Variants in NBPF15 observed in about 807,000 individuals in gnomAD.
The protein encoded by NBPF15 is NBPF family member NBPF15.
Under a neutral mutation model 62.2 loss-of-function variants are expected in NBPF15, and 74 were observed. The observed-to-expected ratio is 1.19, with a 90% CI of 0.99 to 1.44. The LOEUF is 1.44. NBPF15 is among the 40% of genes most tolerant of loss of function. The pLI, the probability that NBPF15 is intolerant of heterozygous loss-of-function variation, is 0.00. For synonymous variants in NBPF15, 244 were observed against 209.7 expected (o/e 1.16, Z -1.41); for missense variants, 790 against 550.0 (o/e 1.44, Z -4.36).
rs1473612018 is a variant in NBPF15 at position 144,440,024 on chromosome 1, A to T, written c.-21T>A. 25 of 1,604,382 alleles carry T rather than the reference A, an allele frequency of 1.6e-5. No individual in the cohort carries two copies. In the African/African-American group the frequency reaches 3.1e-4, roughly 20 times the overall value. ...ACCATGCTGACGTTTGTGGCAGAAG[A>T]GGTGGAGTCAGGGACTGGGGAGAAG... On this transcript the variant is annotated 5_prime_UTR_variant, in exon 8 of 22. Transcript: ENST00000581897.
At chr1:144,431,044 T>C (rs1673848998) in intron 13 of NBPF15, among the ~76,000 whole-genome samples, 1 of 151,478 alleles carries the variant, frequency 6.6e-6, no homozygotes, top group African/African-American at 2.4e-5. Context: ...TAAAAAGAAA[T>C]GAACAAGCCT....
chr1:144,438,955 TCTG>T (rs1339733410), intron 8 of NBPF15, among the ~76,000 whole-genome samples: 1 of 151,830 alleles, frequency 6.6e-6, no homozygotes, highest in Non-Finnish European at 1.5e-5. Context: ...CAAGCTACTC[TCTG>T]CTTTTTATTC....
rs1359680929 is a variant in NBPF15 at position 144,423,873 on chromosome 1, G to C, written c.1766C>G (p.Pro589Arg). 3.9e-6 allele frequency: 3 copies of C among 769,934 alleles called. No individual in the cohort carries two copies. Among genetic ancestry groups the C allele is most frequent in the African/African-American group, 3.4e-5 (2 of 59,090 alleles). 47.7% of individuals were successfully genotyped at this position (769,934 alleles called of 1,614,324 possible). A position where few individuals can be genotyped will look rare whatever the true frequency, so the allele number is the denominator to read the frequency against. ...KEGEDDNPPC[P>R]RLYGVLMEVE... is the part of the protein sequence containing the mutation. Reference sequence around the variant, plus strand: ...ATCCACAATTGCTGAAAGTTACCTGGGGCATGGTGGGTTGTCATCTTCCCC... The same window carrying C: ...ATCCACAATTGCTGAAAGTTACCTGCGGCATGGTGGGTTGTCATCTTCCCC... Residue 589 changes from proline (P) to arginine (R), a missense_variant, in exon 21 of 22, where the codon CCC becomes CGC. Pro to Arg is a moderately radical substitution (Grantham distance 103). Coordinates refer to ENST00000581897, the MANE Select transcript of NBPF15 (RefSeq NM_001385408.1).
Position 144,422,845 on chromosome 1 carries a change from G to T in NBPF15, c.*168C>A. On this transcript the variant is annotated 3_prime_UTR_variant, in exon 22 of 22. Transcript: ENST00000581897. Reference sequence around the variant, plus strand: ...ACCTAACATGGGTCCATTGTCTTCAGATTGAGCACAGGTTGCCAATGGCAT... The same window carrying T: ...ACCTAACATGGGTCCATTGTCTTCATATTGAGCACAGGTTGCCAATGGCAT... 1.3e-6 allele frequency: 2 copies of T among 1,535,758 alleles called. No individual in the cohort carries two copies. The highest frequency in any genetic ancestry group is 1.8e-6 in the Non-Finnish European group (2 of 1,133,204).
At chr1:144,444,269 G>A (rs1241598295) in intron 6 of NBPF15, among the ~76,000 whole-genome samples, 67 of 130,576 alleles carry the variant, frequency 5.1e-4, no homozygotes, top group South Asian at 3.7e-3. Flanking sequence ...ATATTAAGAG[G>A]AAAAAAAAAA....
At chr1:144,453,427 T>C (rs1480641886) in intron 4 of NBPF15, among the ~76,000 whole-genome samples, 1 of 151,680 alleles carries the variant, frequency 6.6e-6, no homozygotes, top group African/African-American at 2.4e-5. Context: ...AATGATGGCT[T>C]CTTAGATACA....
At chr1:144,446,276 G>C (rs1365035407) in intron 6 of NBPF15, among the ~76,000 whole-genome samples, 2 of 147,514 alleles carry the variant, frequency 1.4e-5, no homozygotes, top group Admixed American at 6.6e-5. Flanking sequence ...CTTATATTGA[G>C]AGCTTACATT....
intron 4 of NBPF15, among the ~76,000 whole-genome samples, chr1:144,455,955 C>T (rs1335256330): frequency 6.6e-6 from 1 of 152,034 alleles, no homozygotes; most frequent in Non-Finnish European, 1.5e-5. Context: ...AATTCTAAGT[C>T]CTACAGGATT....
intron 20 of NBPF15, among the ~76,000 whole-genome samples, chr1:144,424,297 G>T (rs1553538848): frequency 6.6e-6 from 1 of 151,526 alleles, no homozygotes; most frequent in Non-Finnish European, 1.5e-5. Flanking sequence ...GAGAAAAACT[G>T]CAATATTTAG....
chr1:144,440,958 G>A lies in NBPF15; in HGVS notation c.-190-663C>T, dbSNP rs1169292658. 1.1e-4 allele frequency among the ~76,000 whole-genome samples: 17 copies of A among 151,650 alleles called. 1 individual carries two copies. Among genetic ancestry groups the A allele is most frequent in the Non-Finnish European group, 2.4e-4 (16 of 67,916 alleles). On this transcript the variant is annotated intron_variant, in intron 6 of 21. Transcript: ENST00000581897. ...GCTGGGATTACAGGCATGAGCCACC[G>A]CACCCGGCCGACTTCTCTTTACTCA... is the stretch of plus-strand genomic sequence containing the variant.
intron 4 of NBPF15, 27 bp from the exon 5 acceptor site, chr1:144,450,897 A>G (rs1553545337): frequency 2.4e-6 from 1 of 419,766 alleles, no homozygotes; most frequent in East Asian, 1.6e-4. Flanking sequence ...GGTTCAGTGA[A>G]GGGATGGGTT....
intron 8 of NBPF15, among the ~76,000 whole-genome samples, chr1:144,438,860 T>C (rs1320165514): frequency 1 from 151,662 of 151,706 alleles, 75,809 homozygotes; most frequent in Middle Eastern, 1. Context: ...CACTGCACTG[T>C]TATCTCCACA....
At chr1:144,457,350 C>G (rs1469075464) in intron 3 of NBPF15, among the ~76,000 whole-genome samples, 1 of 151,956 alleles carries the variant, frequency 6.6e-6, no homozygotes, top group Non-Finnish European at 1.5e-5. Context: ...GTATATTCTA[C>G]AGGCTGTCTC....
At chr1:144,448,572 T>C (rs1689175920) in intron 6 of NBPF15, among the ~76,000 whole-genome samples, 1 of 152,100 alleles carries the variant, frequency 6.6e-6, no homozygotes. Flanking sequence ...TTAAGCCTAA[T>C]GCAATAAAGA....
chr1:144,457,707 CATA>C (rs1315938155), intron 3 of NBPF15, among the ~76,000 whole-genome samples: 1 of 151,836 alleles, frequency 6.6e-6, no homozygotes, highest in Non-Finnish European at 1.5e-5. Context: ...ACAAAATAAT[CATA>C]ATAACAACAA....
intron 10 of NBPF15, among the ~76,000 whole-genome samples, chr1:144,436,104 G>A (rs1440835454): frequency 6.6e-6 from 1 of 151,898 alleles, no homozygotes; most frequent in Non-Finnish European, 1.5e-5. Flanking sequence ...CATATCACTG[G>A]AGGCTTGTGC....
intron 6 of NBPF15, among the ~76,000 whole-genome samples, chr1:144,448,557 T>G (rs1399068447): frequency 1.3e-5 from 2 of 152,126 alleles, no homozygotes; most frequent in African/African-American, 4.8e-5. Context: ...TAAGATGCAT[T>G]AAATTTAAGC....
chr1:144,437,208 C>A (rs1286144236), intron 9 of NBPF15, 99 bp from the exon 10 acceptor site: 2 of 1,249,802 alleles, frequency 1.6e-6, no homozygotes, highest in Non-Finnish European at 2.4e-6. Flanking sequence ...CTCAAGGAGA[C>A]CTCGAAGCAG....
At chr1:144,434,434 G>A (rs1157558883) in intron 12 of NBPF15, among the ~76,000 whole-genome samples, 1 of 148,160 alleles carries the variant, frequency 6.7e-6, no homozygotes, top group Non-Finnish European at 1.5e-5. Flanking sequence ...CTGGGAGGGA[G>A]AGGTTGCACC....
Sources: gnomAD v4.1 joint callset for allele counts (sites outside exome capture counted in the v4.1 genomes callset) on GRCh38, gnomAD v4.1.1 for gene constraint, MANE v1.5 for transcripts, NCBI Gene and HGNC (gene_info 2026-07-23, HGNC 2026-07-21) for gene names.